The following CCDC170 variants were observed in gnomAD, a reference collection of about 807,000 sequenced individuals.
CCDC170 encodes the protein coiled-coil domain containing 170.
In CCDC170, 69 loss-of-function variants were observed where a neutral mutation model predicts 72.6. The observed-to-expected ratio is 0.95, with a 90% confidence interval of 0.78 to 1.16. The LOEUF (loss-of-function observed/expected upper bound fraction) is 1.16. Ranked by LOEUF, CCDC170 falls within the 50% of genes most tolerant of loss-of-function variation. The probability of loss-of-function intolerance (pLI) is 0.00; values close to 1 mark genes in which losing one functional copy is unlikely to be tolerated. For missense variants in CCDC170, 852 were observed against 832.5 expected, an observed-to-expected ratio of 1.02 and a Z score of -0.29; for synonymous variants, 300 against 303.9, an observed-to-expected ratio of 0.99 and a Z score of 0.13.
At chr6:151,519,677 G>T (rs181436796) in intron 1 of CCDC170, among the ~76,000 whole-genome samples, 18 of 152,248 alleles carry the variant, frequency 1.2e-4, no homozygotes, top group Admixed American at 2.6e-4. Flanking sequence ...CGGTCCCTCC[G>T]TTCGGGGTTC....
intron 6 of CCDC170, among the ~76,000 whole-genome samples, chr6:151,580,772 C>T (rs2115098899): frequency 6.6e-6 from 1 of 151,996 alleles, no homozygotes; most frequent in South Asian, 2.1e-4. Flanking sequence ...GTCTAACCTT[C>T]CTCATGTAGC....
chr6:151,500,101 C>T (rs181352533), intron 1 of CCDC170, among the ~76,000 whole-genome samples: 1 of 152,178 alleles, frequency 6.6e-6, no homozygotes, highest in East Asian at 1.9e-4. Context: ...TCCTCACCCC[C>T]ACTTGTTATT....
At chr6:151,519,676 C>T (rs1314540483) in intron 1 of CCDC170, among the ~76,000 whole-genome samples, 7 of 152,186 alleles carry the variant, frequency 4.6e-5, no homozygotes, top group East Asian at 1.9e-4. Flanking sequence ...CCGGTCCCTC[C>T]GTTCGGGGTT....
At chr6:151,530,524 C>T (rs1320353343) in intron 1 of CCDC170, among the ~76,000 whole-genome samples, 1 of 151,778 alleles carries the variant, frequency 6.6e-6, no homozygotes, top group African/African-American at 2.4e-5. Context: ...TCACTGCAAC[C>T]TCTGCCTCCT....
chr6:151,537,445 A>C (rs991847058), intron 2 of CCDC170, among the ~76,000 whole-genome samples: 10 of 152,268 alleles, frequency 6.6e-5, no homozygotes, highest in Middle Eastern at 3.2e-3. Context: ...AATAGGGCAC[A>C]TATATTGTTC....
chr6:151,592,169 C>G (rs1444971023), intron 7 of CCDC170, among the ~76,000 whole-genome samples: 1 of 151,938 alleles, frequency 6.6e-6, no homozygotes, highest in Non-Finnish European at 1.5e-5. Context: ...ACCAGCCTGG[C>G]CAATATGGTG....
At chr6:151,540,402 T>TTTTTTTG (rs1782670387) in intron 3 of CCDC170, among the ~76,000 whole-genome samples, 2 of 126,340 alleles carry the variant, frequency 1.6e-5, no homozygotes, top group Non-Finnish European at 3.2e-5. Flanking sequence ...TTTTTTTTTT[T>TTTTTTTG]GTGACAGAGT....
chr6:151,584,222 G>T (rs186649267), intron 6 of CCDC170, among the ~76,000 whole-genome samples: 1 of 152,164 alleles, frequency 6.6e-6, no homozygotes, highest in Non-Finnish European at 1.5e-5. Flanking sequence ...GCCAATTTCC[G>T]GCCATCTTCG....
Position 151,618,426 on chromosome 6 carries a change from A to C in CCDC170, c.*279A>C, listed in dbSNP as rs1411306458. 2.5e-6 allele frequency: 1 copy of C among 397,812 alleles called. No individual in the cohort carries two copies. Among genetic ancestry groups the C allele is most frequent in the Non-Finnish European group, 4.6e-6 (1 of 219,724 alleles). The allele number at this position is 397,812 out of a possible 1,614,324, so 24.6% of individuals were successfully genotyped here. The stretch of plus-strand genomic sequence containing the variant: ...TTGGGAAATGGGAGTGGGAGATAAT[A>C]TTGGGAGGTATCTATTTTAAGTCAG... On this transcript the variant is annotated 3_prime_UTR_variant, in exon 11 of 11. Coordinates refer to ENST00000239374, the MANE Select transcript of CCDC170 (RefSeq NM_025059.4).
At chr6:151,588,128 G>C (rs1776481412) in intron 7 of CCDC170, among the ~76,000 whole-genome samples, 1 of 152,174 alleles carries the variant, frequency 6.6e-6, no homozygotes, top group South Asian at 2.1e-4. Flanking sequence ...TCACTGCGTA[G>C]GTAATGGGAA....
Position 151,586,058 on chromosome 6 carries a change from T to G in CCDC170, c.1262T>G (p.Leu421Trp), listed in dbSNP as rs1416481189. The change falls in exon 7 of 11, where the codon TTG becomes TGG. Residue 421 changes from leucine to tryptophan, a missense_variant. By Grantham distance (61) the Leu-to-Trp change is moderately conservative. Transcript: ENST00000239374. ...LEAELVSGGV[L>W]RDNLNFEKQK... ...GCAGAGCTGGTTTCTGGAGGTGTTT[T>G]GCGAGACAACTTGAATTTTGAGAAA... 6.2e-7 allele frequency: 1 copy of G among 1,614,136 alleles called. No homozygotes were observed. Among genetic ancestry groups the G allele is most frequent in the African/African-American group, 1.3e-5 (1 of 75,052 alleles).
At chr6:151,560,812 G>A (rs1438997421) in intron 5 of CCDC170, among the ~76,000 whole-genome samples, 3 of 151,984 alleles carry the variant, frequency 2.0e-5, no homozygotes, top group Admixed American at 1.3e-4. Context: ...TTGTGTGATG[G>A]ATATTTCTCC....
chr6:151,596,130 T>G (rs371431096), intron 8 of CCDC170, among the ~76,000 whole-genome samples: 8 of 152,172 alleles, frequency 5.3e-5, no homozygotes, highest in African/African-American at 1.7e-4. Context: ...GGGGCTCTTT[T>G]GTCTCAGATT....
chr6:151,593,224 C>T lies in CCDC170; in HGVS notation c.1411C>T (p.Leu471Phe), dbSNP rs1461965992. ...AGCTCGAACAGAGCAGCTGGTTCGT[C>T]TTGAGAGCAATGCAGTCATTGAGAA... is the stretch of plus-strand genomic sequence containing the variant. ...VLARTEQLVRLESNAVIENKT... is the reference protein window; with the variant it reads ...VLARTEQLVRFESNAVIENKT... The change falls in exon 8 of 11, where the codon CTT (leucine) becomes TTT (phenylalanine). Residue 471 changes from leucine (L) to phenylalanine (F), a missense_variant. Coordinates refer to ENST00000239374, the MANE Select transcript of CCDC170 (RefSeq NM_025059.4). 1.9e-6 allele frequency: 3 copies of T among 1,614,150 alleles called. No individual in the cohort carries two copies. The East Asian group carries it at 6.7e-5, about 36-fold the overall frequency.
intron 9 of CCDC170, among the ~76,000 whole-genome samples, chr6:151,599,723 G>T (rs1776676071): frequency 1.3e-5 from 2 of 152,182 alleles, no homozygotes; most frequent in African/African-American, 4.8e-5. Flanking sequence ...GTGCGATAAT[G>T]ACTGAAGGAG....
chr6:151,562,094 T>C (rs995201082), intron 5 of CCDC170, among the ~76,000 whole-genome samples: 10 of 152,226 alleles, frequency 6.6e-5, no homozygotes, highest in Non-Finnish European at 1.2e-4. Flanking sequence ...TTTCTTAATA[T>C]GGGCATCTAA....
intron 9 of CCDC170, 45 bp downstream of exon 9, chr6:151,596,622 G>A: frequency 6.2e-7 from 1 of 1,603,358 alleles, no homozygotes; most frequent in East Asian, 2.2e-5. Flanking sequence ...GCTGGTTACT[G>A]TCAATGTTTT....
intron 10 of CCDC170, chr6:151,615,940 C>T (rs1373015931): frequency 1.5e-5 from 5 of 333,642 alleles, no homozygotes; most frequent in Non-Finnish European, 2.7e-5. Flanking sequence ...AACATATCCA[C>T]CTGCCCCTCC....
At chr6:151,504,978 GA>G (rs996917938) in intron 1 of CCDC170, among the ~76,000 whole-genome samples, 3 of 152,100 alleles carry the variant, frequency 2.0e-5, no homozygotes, top group Non-Finnish European at 4.4e-5. Context: ...GCTCAGTAGA[GA>G]ATGGGGGCGT....
Sources: allele counts gnomAD v4.1 joint callset (sites outside exome capture counted in the v4.1 genomes callset), GRCh38; gene constraint gnomAD v4.1.1; transcripts MANE v1.5; gene names NCBI Gene and HGNC (gene_info 2026-07-23, HGNC 2026-07-21).